PTPRN2: variants seen among roughly 807,000 people sequenced by gnomAD.
The protein encoded by PTPRN2 is receptor-type tyrosine-protein phosphatase N2.
A neutral mutation model predicts 118.8 loss-of-function variants in PTPRN2; 74 were observed. The observed-to-expected ratio is 0.62, with a 90% CI of 0.52 to 0.76. The LOEUF is 0.76. Ranked by LOEUF, PTPRN2 falls within the 30% of genes least tolerant of loss-of-function variation. PTPRN2 has a pLI of 0.00. For synonymous variants in PTPRN2, 641 were observed against 608.0 expected, an observed-to-expected ratio of 1.05 and a Z score of -0.80; for missense variants, 1,481 against 1,394.4, an observed-to-expected ratio of 1.06 and a Z score of -0.99.
intron 1 of PTPRN2, among the ~76,000 whole-genome samples, chr7:158,567,767 C>G (rs572913001): frequency 6.6e-6 from 1 of 152,142 alleles, no homozygotes. Flanking sequence ...GGGCTGCACC[C>G]CCCCACACCT....
At chr7:157,718,036 G>T (rs1284515665) in intron 12 of PTPRN2, among the ~76,000 whole-genome samples, 1 of 152,270 alleles carries the variant, frequency 6.6e-6, no homozygotes, top group African/African-American at 2.4e-5. Flanking sequence ...CTGGGGAGGG[G>T]AATGCTTCGT....
At chr7:158,310,943 G>A (rs375473490) in intron 3 of PTPRN2, among the ~76,000 whole-genome samples, 6 of 152,228 alleles carry the variant, frequency 3.9e-5, no homozygotes, top group Admixed American at 6.5e-5. Flanking sequence ...CTCACCAGAC[G>A]TGAGCCAGAC....
chr7:158,042,584 G>A (rs747661390), intron 11 of PTPRN2, among the ~76,000 whole-genome samples: 2 of 152,172 alleles, frequency 1.3e-5, no homozygotes, highest in African/African-American at 2.4e-5. Context: ...ATCCCGTCAC[G>A]GCTGAGTTCA....
chr7:158,521,039 C>T (rs565946948), intron 1 of PTPRN2, among the ~76,000 whole-genome samples: 1 of 152,222 alleles, frequency 6.6e-6, no homozygotes, highest in Non-Finnish European at 1.5e-5. Flanking sequence ...AGTGCTGCAG[C>T]CAGGACCTTA....
chr7:157,891,368 C>T (rs987315253), intron 12 of PTPRN2, among the ~76,000 whole-genome samples: 6 of 151,962 alleles, frequency 3.9e-5, no homozygotes, highest in African/African-American at 1.5e-4. Context: ...CTCAGTTCTG[C>T]CCACTGCTTG....
chr7:157,582,388 G>A (rs756378143), intron 17 of PTPRN2, among the ~76,000 whole-genome samples: 6 of 152,324 alleles, frequency 3.9e-5, no homozygotes, highest in East Asian at 1.9e-4. Context: ...TGGCCCGCAC[G>A]TATGTGAAAA....
intron 13 of PTPRN2, among the ~76,000 whole-genome samples, chr7:157,657,007 T>A (rs1250356963): frequency 5.9e-4 from 28 of 47,572 alleles, no homozygotes; most frequent in Admixed American, 1.2e-3. Flanking sequence ...TACACACACA[T>A]ACGCCACACA....
chr7:158,317,024 C>T (rs747464286), intron 2 of PTPRN2, 92 bp from the exon 3 acceptor site: 26 of 934,114 alleles, frequency 2.8e-5, no homozygotes, highest in Non-Finnish European at 3.9e-5. Context: ...GCGTTCTGAT[C>T]ATGTGCCGCC....
chr7:157,641,509 C>A (rs113158985), intron 14 of PTPRN2, among the ~76,000 whole-genome samples: 3 of 152,242 alleles, frequency 2.0e-5, no homozygotes, highest in African/African-American at 7.2e-5. Flanking sequence ...TTTTTCTTTA[C>A]GGCAGTATGG....
At position 157,597,237 on chromosome 7, in the gene PTPRN2, A is replaced by G. The variant is rs184071518; in HGVS notation, c.2419-1922T>C. On this transcript the variant is annotated intron_variant, in intron 16 of 22. Coordinates refer to ENST00000389418, the MANE Select transcript of PTPRN2 (RefSeq NM_002847.5). ...TGTGCATCTGATTTAGTGATTCGTA[A>G]TTAAAACTGGACCTCGTTTTGAAAT... is the stretch of plus-strand genomic sequence containing the variant. 5.8e-4 allele frequency among the ~76,000 whole-genome samples: 88 copies of G among 152,358 alleles called. No individual in the cohort carries two copies. The South Asian group carries it at 6.2e-3, about 11-fold the overall frequency.
At chr7:158,270,740 C>G (rs997856374) in intron 3 of PTPRN2, among the ~76,000 whole-genome samples, 2 of 150,486 alleles carry the variant, frequency 1.3e-5, no homozygotes, top group African/African-American at 5.0e-5. Flanking sequence ...CCTTCTCTAC[C>G]TGAGCCGTCT....
chr7:158,136,271 G>A (rs1818799922), intron 8 of PTPRN2, among the ~76,000 whole-genome samples: 1 of 152,364 alleles, frequency 6.6e-6, no homozygotes, highest in East Asian at 1.9e-4. Flanking sequence ...ACACGGGACA[G>A]CCAGGTGTGA....
intron 19 of PTPRN2, among the ~76,000 whole-genome samples, chr7:157,575,392 G>A (rs1293407374): frequency 1.3e-5 from 2 of 152,176 alleles, no homozygotes. Context: ...ATGTACTCAG[G>A]ACTCTGGATC....
At chr7:157,847,272 G>C (rs1404272678) in intron 12 of PTPRN2, among the ~76,000 whole-genome samples, 1 of 128,474 alleles carries the variant, frequency 7.8e-6, no homozygotes, top group African/African-American at 3.0e-5. Context: ...TCCTTCATAT[G>C]TGGCCAATGT....
chr7:157,545,787 C>T (rs912760452), intron 22 of PTPRN2, among the ~76,000 whole-genome samples: 3 of 152,150 alleles, frequency 2.0e-5, no homozygotes, highest in African/African-American at 4.8e-5. Flanking sequence ...TCATGGTCTC[C>T]GGGTGCTCAC....
At chr7:158,075,881 C>G (rs1181123368) in intron 11 of PTPRN2, among the ~76,000 whole-genome samples, 1 of 152,206 alleles carries the variant, frequency 6.6e-6, no homozygotes, top group Non-Finnish European at 1.5e-5. Context: ...CAGCTCAGCT[C>G]CATGGAGGAC....
intron 12 of PTPRN2, among the ~76,000 whole-genome samples, chr7:157,824,550 C>A (rs989004445): frequency 6.6e-6 from 1 of 152,194 alleles, no homozygotes; most frequent in Non-Finnish European, 1.5e-5. Flanking sequence ...CACAGGCCCC[C>A]GGAAGAACTC....
intron 12 of PTPRN2, among the ~76,000 whole-genome samples, chr7:157,781,036 C>T (rs960232099): frequency 6.6e-6 from 1 of 152,206 alleles, no homozygotes; most frequent in African/African-American, 2.4e-5. Flanking sequence ...CTCACACCCA[C>T]GTCACCCACA....
intron 2 of PTPRN2, among the ~76,000 whole-genome samples, chr7:158,341,539 G>T (rs28412053): frequency 0.014 from 644 of 45,582 alleles, 4 homozygotes; most frequent in Middle Eastern, 0.095. Context: ...ACCATAAGAG[G>T]TGACATCTGC....
Sources: gnomAD v4.1 joint callset for allele counts (sites outside exome capture counted in the v4.1 genomes callset) on GRCh38, gnomAD v4.1.1 for gene constraint, MANE v1.5 for transcripts, NCBI Gene and HGNC (gene_info 2026-07-23, HGNC 2026-07-21) for gene names.